Variants in NUP133 observed in about 807,000 individuals in gnomAD.
NUP133 encodes the protein nucleoporin 133, also known as nuclear pore complex protein Nup133.
Under a neutral mutation model 146.2 loss-of-function variants are expected in NUP133, and 66 were observed. The ratio of observed to expected loss-of-function variants is 0.45; its 90% CI spans 0.37 to 0.55. The LOEUF is 0.55. Ranked by LOEUF, NUP133 falls within the 20% of genes least tolerant of loss-of-function variation. NUP133 has a pLI of 0.00. For synonymous variants in NUP133, 521 were observed against 498.8 expected (o/e 1.04, Z -0.59); for missense variants, 1,277 against 1,374.8 (o/e 0.93, Z 1.12).
intron 24 of NUP133, 170 bp downstream of exon 24, chr1:229,448,956 G>C (rs2102747030): frequency 1.6e-6 from 1 of 623,964 alleles, no homozygotes; most frequent in Non-Finnish European, 2.8e-6. Flanking sequence ...CTAAATTAAA[G>C]GACATTCAGC....
intron 5 of NUP133, chr1:229,499,082 T>G: frequency 2.3e-6 from 1 of 430,510 alleles, no homozygotes; most frequent in South Asian, 1.6e-5. Flanking sequence ...AATTTTTTTG[T>G]AGAGACAAAG....
chr1:229,475,091 C>A (rs1449773019), intron 14 of NUP133, among the ~76,000 whole-genome samples: 1 of 151,532 alleles, frequency 6.6e-6, no homozygotes, highest in East Asian at 1.9e-4. Context: ...AACAGAGTGC[C>A]CTGTCTCAAT....
chr1:229,472,862 T>C (rs1335273439), intron 14 of NUP133, among the ~76,000 whole-genome samples: 1 of 151,680 alleles, frequency 6.6e-6, no homozygotes, highest in Non-Finnish European at 1.5e-5. Context: ...TGTTCTGAAG[T>C]GTTGGTGTTA....
chr1:229,495,643 G>A lies in NUP133; in HGVS notation c.976-78C>T, dbSNP rs114159533. 2,242 of 1,098,408 alleles carry A rather than the reference G, an allele frequency of 2.0e-3. 35 individuals are homozygous for A. The African/African-American group carries it at 0.032, about 16-fold the overall frequency. The allele number at this position is 1,098,408 out of a possible 1,614,324, so 68.0% of individuals were successfully genotyped here. On this transcript the variant is annotated intron_variant, in intron 7 of 25. Transcript: ENST00000261396. ...TTCACCTTTATATCCCTAGTACCTA[G>A]TGAAGTGCTTCACCCATAACTCAGT...
chr1:229,473,063 G>A (rs1217922634), intron 14 of NUP133, among the ~76,000 whole-genome samples: 1 of 151,988 alleles, frequency 6.6e-6, no homozygotes, highest in African/African-American at 2.4e-5. Context: ...ACCAGCCTGG[G>A]CAACATTATG....
chr1:229,488,070 T>C (rs2102775997), intron 9 of NUP133, among the ~76,000 whole-genome samples: 1 of 152,206 alleles, frequency 6.6e-6, no homozygotes, highest in East Asian at 1.9e-4. Flanking sequence ...GGTCTTGAAC[T>C]CCTGACCTCA....
chr1:229,447,468 C>CT lies in NUP133; in HGVS notation c.3245+1657dup, dbSNP rs78431617. Among the ~76,000 whole-genome samples, 441 of 143,350 alleles carry CT rather than the reference C, an allele frequency of 3.1e-3. 2 individuals carry two copies. Among genetic ancestry groups the CT allele is most frequent in the African/African-American group, 6.9e-3 (270 of 39,286 alleles). 94.0% of individuals were successfully genotyped at this position (143,350 alleles called of 152,430 possible). On this transcript the variant is annotated intron_variant, in intron 24 of 25. Transcript: ENST00000261396. ...AAATCCTTAGGATCTCCATAGATGT[C>CT]TTTTTTTTTTTTTAATACTATTGAG...
In NUP133 at chr1:229,445,012, A is replaced by C; in HGVS notation, c.3246-10T>G. On this transcript the variant is annotated splice_polypyrimidine_tract_variant and intron_variant, in intron 24 of 25. Transcript: ENST00000261396. ...ATCAGAACTGGACCAGCTAGAAAACAAAATCATTATGAGGGAAAAATGAAA... is the reference window on the plus strand; with the variant it reads ...ATCAGAACTGGACCAGCTAGAAAACCAAATCATTATGAGGGAAAAATGAAA... 1 of 1,580,260 alleles carries C rather than the reference A, an allele frequency of 6.3e-7. No individual in the cohort carries two copies. Among genetic ancestry groups the C allele is most frequent in the Non-Finnish European group, 8.7e-7 (1 of 1,152,298 alleles).
intron 25 of NUP133, among the ~76,000 whole-genome samples, chr1:229,442,769 G>T: frequency 6.8e-6 from 1 of 147,642 alleles, no homozygotes; most frequent in Non-Finnish European, 1.5e-5. Context: ...GCAATGGCGC[G>T]ATCTCGGCTC....
At chr1:229,498,006 TA>T in intron 6 of NUP133, 129 bp downstream of exon 6, 2 of 567,644 alleles carry the variant, frequency 3.5e-6, no homozygotes, top group Non-Finnish European at 2.8e-6. Flanking sequence ...AATAGTTCAC[TA>T]AAAAGACCAA....
In NUP133 at chr1:229,464,497, G is replaced by A; in HGVS notation, c.2551+127C>T. 3 of 1,092,772 alleles carry A rather than the reference G, an allele frequency of 2.7e-6. No homozygotes were observed. In the East Asian group the frequency reaches 7.2e-5, roughly 26 times the overall value. The allele number at this position is 1,092,772 out of a possible 1,614,324, so 67.7% of individuals were successfully genotyped here. The stretch of plus-strand genomic sequence containing the variant: ...TGAATAAATGAGCACAGAAAGCTGT[G>A]CATATTTGCTTTAAGTTCTTTATTA... On this transcript the variant is annotated intron_variant, in intron 18 of 25. Transcript: ENST00000261396.
At chr1:229,456,455 T>C (rs140610568) in intron 21 of NUP133, among the ~76,000 whole-genome samples, 196 of 152,344 alleles carry the variant, frequency 1.3e-3, no homozygotes, top group African/African-American at 4.5e-3. Flanking sequence ...CTGTGGAATA[T>C]ACCCTTTACT....
At chr1:229,496,181 T>A in intron 6 of NUP133, 134 bp from the exon 7 acceptor site, 1 of 733,518 alleles carries the variant, frequency 1.4e-6, no homozygotes, top group Non-Finnish European at 2.0e-6. Context: ...TTAAAGAAAG[T>A]AGTGATCCTG....
chr1:229,466,630 G>A lies in NUP133; in HGVS notation c.2199+4C>T. Reference sequence around the variant, plus strand: ...TTGCTGAAGCCTTTACTATATTTTTGTACCTTGAGAATATTGTTCACATTG... The same window carrying A: ...TTGCTGAAGCCTTTACTATATTTTTATACCTTGAGAATATTGTTCACATTG... On this transcript the variant is annotated splice_donor_region_variant and intron_variant, in intron 16 of 25. Transcript: ENST00000261396. The A allele has an allele frequency of 6.2e-7, 1 of 1,613,696 alleles. No individual in the cohort carries two copies. Among genetic ancestry groups the A allele is most frequent in the Non-Finnish European group, 8.5e-7 (1 of 1,179,882 alleles).
chr1:229,493,864 G>A (rs1661585935), intron 8 of NUP133, among the ~76,000 whole-genome samples: 1 of 152,222 alleles, frequency 6.6e-6, no homozygotes, highest in African/African-American at 2.4e-5. Context: ...CAGGCGTGGT[G>A]GCTGACACCT....
intron 12 of NUP133, among the ~76,000 whole-genome samples, chr1:229,479,311 G>A (rs895077175): frequency 2.0e-5 from 3 of 152,196 alleles, no homozygotes; most frequent in Admixed American, 6.5e-5. Context: ...TCCGCATTTG[G>A]TTGAAAACAG....
intron 15 of NUP133, among the ~76,000 whole-genome samples, chr1:229,467,671 T>C (rs560055662): frequency 1.3e-5 from 2 of 152,270 alleles, no homozygotes; most frequent in South Asian, 4.1e-4. Context: ...CGGTGGCTCA[T>C]GCCTGCAATC....
intron 21 of NUP133, among the ~76,000 whole-genome samples, chr1:229,453,754 T>C (rs965899833): frequency 2.0e-5 from 3 of 152,222 alleles, no homozygotes; most frequent in Non-Finnish European, 4.4e-5. Context: ...ATGCTGCCTA[T>C]TTACATTGTT....
At chr1:229,487,742 A>C (rs1010088011) in intron 9 of NUP133, 129 bp from the exon 10 acceptor site, 2 of 681,872 alleles carry the variant, frequency 2.9e-6, no homozygotes, top group Non-Finnish European at 2.4e-6. Flanking sequence ...AAATCTGAAC[A>C]CTACCCATGA....
Sources: gnomAD v4.1 joint callset for allele counts (sites outside exome capture counted in the v4.1 genomes callset) on GRCh38, gnomAD v4.1.1 for gene constraint, MANE v1.5 for transcripts, NCBI Gene and HGNC (gene_info 2026-07-23, HGNC 2026-07-21) for gene names.